DPYD: variants seen among roughly 807,000 people sequenced by gnomAD.
DPYD encodes the protein dihydropyrimidine dehydrogenase [NADP(+)].
A neutral mutation model predicts 116.2 loss-of-function variants in DPYD; 109 were observed. The observed-to-expected ratio is 0.94, with a 90% CI of 0.80 to 1.10. The LOEUF is 1.10. Ranked by LOEUF, DPYD falls within the 50% of genes least tolerant of loss-of-function variation. DPYD has a pLI of 0.00. For synonymous variants in DPYD, 440 were observed against 432.0 expected (o/e 1.02, Z -0.23); for missense variants, 1,302 against 1,254.5 (o/e 1.04, Z -0.57).
intron 3 of DPYD, among the ~76,000 whole-genome samples, chr1:97,757,978 C>G (rs1665343450): frequency 6.6e-6 from 1 of 152,154 alleles, no homozygotes; most frequent in Admixed American, 6.6e-5. Context: ...TCATAATACG[C>G]ACTGCCTGAG....
intron 20 of DPYD, among the ~76,000 whole-genome samples, chr1:97,117,866 A>C (rs140321033): frequency 1.6e-4 from 24 of 152,290 alleles, no homozygotes; most frequent in Non-Finnish European, 2.8e-4. Flanking sequence ...AATAAATTTT[A>C]AAATTTGCTT....
chr1:97,225,974 G>A (rs1661128416), intron 19 of DPYD, among the ~76,000 whole-genome samples: 1 of 151,948 alleles, frequency 6.6e-6, no homozygotes, highest in South Asian at 2.1e-4. Context: ...TGATAAACAT[G>A]GTTGCAAAAA....
intron 6 of DPYD, among the ~76,000 whole-genome samples, chr1:97,698,913 CTT>C (rs1661446358): frequency 6.6e-6 from 1 of 151,844 alleles, no homozygotes; most frequent in South Asian, 2.1e-4. Flanking sequence ...AAAAGTAAGA[CTT>C]AAGAAATTTT....
At chr1:97,857,625 T>C (rs1368403033) in intron 2 of DPYD, among the ~76,000 whole-genome samples, 1 of 152,192 alleles carries the variant, frequency 6.6e-6, no homozygotes, top group African/African-American at 2.4e-5. Context: ...TCCACACCCC[T>C]TCTTCCGTAG....
At chr1:97,419,746 G>T (rs1370651736) in intron 14 of DPYD, among the ~76,000 whole-genome samples, 1 of 152,054 alleles carries the variant, frequency 6.6e-6, no homozygotes, top group Non-Finnish European at 1.5e-5. Flanking sequence ...GTAAACATGG[G>T]TTTATACCTA....
chr1:97,885,002 C>G (rs1030827282), intron 1 of DPYD, among the ~76,000 whole-genome samples: 12 of 151,860 alleles, frequency 7.9e-5, no homozygotes, highest in African/African-American at 1.5e-4. Flanking sequence ...ATGCATGATA[C>G]AACATGTTTT....
intron 5 of DPYD, among the ~76,000 whole-genome samples, chr1:97,707,909 T>C (rs981702653): frequency 4.6e-5 from 7 of 152,160 alleles, no homozygotes; most frequent in Non-Finnish European, 7.4e-5. Context: ...CAGTTCTTTA[T>C]GAAGTATGTC....
intron 21 of DPYD, among the ~76,000 whole-genome samples, chr1:97,084,955 C>A (rs1397257053): frequency 2.0e-5 from 3 of 151,968 alleles, no homozygotes. Context: ...TACACTAAAC[C>A]TATAATATGG....
chr1:97,584,048 C>T (rs1653903621), intron 10 of DPYD, among the ~76,000 whole-genome samples: 1 of 152,134 alleles, frequency 6.6e-6, no homozygotes, highest in Admixed American at 6.6e-5. Context: ...AAAAGTGTTC[C>T]TATTTCTCCA....
rs995084725 is a variant in DPYD, at chr1:97,547,007, T to G, written c.1524+2553A>C. ...CATAGTGTTTGCACATATTTGCAAT[T>G]TTTTGCTGTTTTGGAAGTTTATCAT... is the stretch of plus-strand genomic sequence containing the variant. On this transcript the variant is annotated intron_variant, in intron 12 of 22. Transcript: ENST00000370192. The G allele has an allele frequency of 5.1e-6, 8 of 1,561,266 alleles. No individual in the cohort carries two copies. In the African/African-American group the frequency reaches 1.1e-4, roughly 21 times the overall value.
intron 12 of DPYD, among the ~76,000 whole-genome samples, chr1:97,516,247 G>T (rs1471123861): frequency 6.6e-6 from 1 of 151,938 alleles, no homozygotes; most frequent in African/African-American, 2.4e-5. Flanking sequence ...TTTTCTCCCT[G>T]GTCCAATCCA....
chr1:97,187,117 G>A (rs1265424533), intron 20 of DPYD, among the ~76,000 whole-genome samples: 1 of 152,074 alleles, frequency 6.6e-6, no homozygotes, highest in Non-Finnish European at 1.5e-5. Flanking sequence ...TGAGGTGAAT[G>A]GTAGTTTTAT....
intron 13 of DPYD, among the ~76,000 whole-genome samples, chr1:97,496,224 C>T (rs56229527): frequency 0.011 from 1,701 of 152,130 alleles, 13 homozygotes; most frequent in Non-Finnish European, 0.018. Flanking sequence ...GTTCACTTTG[C>T]TCTAGATACA....
intron 6 of DPYD, among the ~76,000 whole-genome samples, chr1:97,695,740 G>T (rs1328417167): frequency 1.3e-5 from 2 of 151,992 alleles, no homozygotes; most frequent in African/African-American, 2.4e-5. Flanking sequence ...AAGTGGAAGA[G>T]TGATAGAATC....
At chr1:97,526,309 C>A (rs1416406266) in intron 12 of DPYD, among the ~76,000 whole-genome samples, 2 of 152,044 alleles carry the variant, frequency 1.3e-5, no homozygotes, top group Non-Finnish European at 2.9e-5. Context: ...TGTACAGCTA[C>A]TTTATTCTTC....
At chr1:97,194,336 C>T (rs146678204) in intron 19 of DPYD, among the ~76,000 whole-genome samples, 1 of 151,986 alleles carries the variant, frequency 6.6e-6, no homozygotes, top group South Asian at 2.1e-4. Flanking sequence ...GGGCTTTTCC[C>T]CTTTTCCTTT....
intron 8 of DPYD, among the ~76,000 whole-genome samples, chr1:97,663,127 T>C (rs774835471): frequency 6.6e-6 from 1 of 152,154 alleles, no homozygotes. Flanking sequence ...CTAGCATCAT[T>C]TGCCACAGCC....
intron 1 of DPYD, among the ~76,000 whole-genome samples, chr1:97,903,469 T>C (rs1012231913): frequency 1.3e-5 from 2 of 151,996 alleles, no homozygotes; most frequent in Middle Eastern, 3.4e-3. Context: ...TTTGAGTTTT[T>C]GTCATAACCA....
At chr1:97,431,866 C>T (rs954820527) in intron 14 of DPYD, among the ~76,000 whole-genome samples, 1 of 152,096 alleles carries the variant, frequency 6.6e-6, no homozygotes, top group Non-Finnish European at 1.5e-5. Flanking sequence ...CCTTCCCCTC[C>T]CACTACACTT....
Sources: allele counts gnomAD v4.1 joint callset (sites outside exome capture counted in the v4.1 genomes callset), GRCh38; gene constraint gnomAD v4.1.1; transcripts MANE v1.5; gene names NCBI Gene and HGNC (gene_info 2026-07-23, HGNC 2026-07-21).